MOCS2: variants seen among roughly 807,000 people sequenced by gnomAD.
The protein encoded by MOCS2 is molybdopterin synthase catalytic subunit.
MOCS2 carries 13 observed loss-of-function variants against 21.9 expected under a neutral mutation model. The ratio of observed to expected loss-of-function variants is 0.59; its 90% CI spans 0.39 to 0.94. The LOEUF is 0.94. Ranked by LOEUF, MOCS2 falls within the 40% of genes least tolerant of loss-of-function variation. The probability of loss-of-function intolerance (pLI) is 0.00; values close to 1 mark genes in which losing one functional copy is unlikely to be tolerated. For missense variants in MOCS2, 227 were observed against 218.3 expected (o/e 1.04, Z -0.25); for synonymous variants, 92 against 80.8 (o/e 1.14, Z -0.74).
chr5:53,109,117 A>T (rs1741132905), intron 1 of MOCS2, 134 bp downstream of exon 1: 1 of 212,260 alleles, frequency 4.7e-6, no homozygotes, highest in Non-Finnish European at 8.2e-6. Flanking sequence ...GCTAAGGATT[A>T]AGTTATGCAA....
intron 3 of MOCS2, 127 bp downstream of exon 3, chr5:53,106,950 C>G: frequency 1.0e-6 from 1 of 981,966 alleles, no homozygotes; most frequent in Non-Finnish European, 1.5e-6. Flanking sequence ...TGAAGAGTTG[C>G]TGCATCAATA....
chr5:53,103,081 G>A lies in MOCS2; in HGVS notation c.99-857C>T, dbSNP rs542808032. Reference sequence around the variant, plus strand: ...CGGGCTCACATTCCTCAGATAAAAAGTTTCTTTTCTTTTTTTCCCCACCAT... The same window carrying A: ...CGGGCTCACATTCCTCAGATAAAAAATTTCTTTTCTTTTTTTCCCCACCAT... On this transcript the variant is annotated intron_variant, in intron 3 of 6. Coordinates refer to ENST00000396954, the MANE Select transcript of MOCS2 (RefSeq NM_004531.5). Among the ~76,000 whole-genome samples, 27 of 152,104 alleles carry A rather than the reference G, an allele frequency of 1.8e-4. 1 individual carries two copies. The South Asian group carries it at 2.1e-3, about 12-fold the overall frequency.
chr5:53,098,616 C>A lies in MOCS2; in HGVS notation c.553G>T (p.Ala185Ser). Residue 185 changes from alanine (A) to serine (S), a missense_variant, in exon 7 of 7, where the codon GCA (alanine) becomes TCA (serine). Transcript: ENST00000396954. Reference sequence around the variant, plus strand: ...AACATAAGTGATTAACTGTTGGATGCCCAAAAGCACTCTTTGTTTCCTTTC... The same window carrying A: ...AACATAAGTGATTAACTGTTGGATGACCAAAAGCACTCTTTGTTTCCTTTC... Reference protein sequence around the residue: ...TWKGNKECFWASNS With the variant: ...TWKGNKECFWSSNS The A allele has an allele frequency of 1.2e-6, 2 of 1,613,638 alleles. No individual in the cohort carries two copies. Among genetic ancestry groups the A allele is most frequent in the Non-Finnish European group, 1.7e-6 (2 of 1,179,702 alleles).
Position 53,100,489 on chromosome 5 carries a change from T to A in MOCS2, c.423A>T (p.Ser141=). ...CTTCAAGAGATGCAGCTCTGTGGGC[T>A]GAGGACACAGCAATGATTATGCTTG... ...SEASIIIAVS[S]AHRAASLEAV... The change falls in exon 6 of 7, where the codon TCA becomes TCT. Residue 141 remains serine (S), a synonymous_variant. Transcript: ENST00000396954. 1 of 1,613,778 alleles carries A rather than the reference T, an allele frequency of 6.2e-7. No homozygotes were observed. The highest frequency in any genetic ancestry group is 1.1e-5 in the South Asian group (1 of 91,080).
At chr5:53,100,142 C>G (rs1740867267) in intron 6 of MOCS2, among the ~76,000 whole-genome samples, 1 of 152,136 alleles carries the variant, frequency 6.6e-6, no homozygotes, top group Admixed American at 6.6e-5. Context: ...GAATTATAAT[C>G]CAAGGAAAAT....
intron 2 of MOCS2, 91 bp downstream of exon 2, chr5:53,108,431 G>A: frequency 7.7e-7 from 1 of 1,290,960 alleles, no homozygotes. Flanking sequence ...ATTAAGCACG[G>A]AAATCGAAAT....
chr5:53,101,624 A>G, intron 4 of MOCS2, 115 bp from the exon 5 acceptor site: 7 of 783,486 alleles, frequency 8.9e-6, no homozygotes, highest in Non-Finnish European at 1.4e-5. Context: ...ATAGTAAACA[A>G]GCAGCATACC....
Position 53,107,184 on chromosome 5 carries a change from G to T in MOCS2, c.-10C>A, listed in dbSNP as rs146074751. ...TCTCCAAGCTCGACATATTCTTGAC[G>T]AACAGCAAATATTATCTGATTTCTA... On this transcript the variant is annotated 5_prime_UTR_variant, in exon 3 of 7. Coordinates refer to ENST00000396954, the MANE Select transcript of MOCS2 (RefSeq NM_004531.5). 1 of 1,613,876 alleles carries T rather than the reference G, an allele frequency of 6.2e-7. No individual in the cohort carries two copies. The highest frequency in any genetic ancestry group is 1.7e-5 in the Admixed American group (1 of 59,986).
intron 1 of MOCS2, 141 bp from the exon 2 acceptor site, chr5:53,108,784 T>C (rs960453215): frequency 4.8e-6 from 4 of 836,730 alleles, no homozygotes; most frequent in Non-Finnish European, 5.3e-6. Flanking sequence ...CCGTAAAAAA[T>C]TTCAGTATAC....
rs762798731 is a variant in MOCS2, at chr5:53,097,706, T to C, written c.*896A>G. ...TGGTAATCACCTCACAATGTATATG[T>C]GTATCAAAAATCACATTGTATACTT... On this transcript the variant is annotated 3_prime_UTR_variant, in exon 7 of 7. Coordinates refer to ENST00000396954, the MANE Select transcript of MOCS2 (RefSeq NM_004531.5). The C allele has an allele frequency of 6.6e-6, 1 of 152,186 alleles. No individual in the cohort carries two copies. The highest frequency in any genetic ancestry group is 6.5e-5 in the Admixed American group (1 of 15,276). The allele number at this position is 152,186 out of a possible 1,614,324, so 9.4% of individuals were successfully genotyped here. A position where few individuals can be genotyped will look rare whatever the true frequency, so the allele number is the denominator to read the frequency against.
At chr5:53,104,343 T>C (rs187906561) in intron 3 of MOCS2, among the ~76,000 whole-genome samples, 15 of 152,220 alleles carry the variant, frequency 9.9e-5, no homozygotes, top group African/African-American at 3.4e-4. Context: ...AAAACCTAGC[T>C]GGCAGGTTTT....
chr5:53,104,644 T>G (rs1466308481), intron 3 of MOCS2, among the ~76,000 whole-genome samples: 1 of 152,180 alleles, frequency 6.6e-6, no homozygotes, highest in Non-Finnish European at 1.5e-5. Flanking sequence ...AGCCTAGTGT[T>G]GACATGAGAG....
At position 53,098,812 on chromosome 5, in the gene MOCS2, C is replaced by A. The variant is rs1740826910; in HGVS notation, c.502-145G>T. 4 of 694,472 alleles carry A rather than the reference C, an allele frequency of 5.8e-6. No homozygotes were observed. The East Asian group carries it at 1.1e-4, about 19-fold the overall frequency. 43.0% of individuals were successfully genotyped at this position (694,472 alleles called of 1,614,324 possible). On this transcript the variant is annotated intron_variant, in intron 6 of 6. Transcript: ENST00000396954. ...CAATCATGACGAGAGACATCATGGG[C>A]AAGGTTACATAGGGGAAGACAGAAA...
Position 53,097,318 on chromosome 5 carries a change from G to C in MOCS2, c.*1284C>G, listed in dbSNP as rs200541821. ...TTCCTCAAGGTATTTTAGGTTGGCAGAAAAAGATCACTGGGTGGGTGCCTG... is the reference window on the plus strand; with the variant it reads ...TTCCTCAAGGTATTTTAGGTTGGCACAAAAAGATCACTGGGTGGGTGCCTG... On this transcript the variant is annotated 3_prime_UTR_variant, in exon 7 of 7. Transcript: ENST00000396954. 3.9e-5 allele frequency: 6 copies of C among 152,206 alleles called. No individual in the cohort carries two copies. The East Asian group carries it at 1.2e-3, about 29-fold the overall frequency. The allele number at this position is 152,206 out of a possible 1,614,324, so 9.4% of individuals were successfully genotyped here. A position where few individuals can be genotyped will look rare whatever the true frequency, so the allele number is the denominator to read the frequency against.
chr5:53,098,085 G>A lies in MOCS2; in HGVS notation c.*517C>T, dbSNP rs1478495055. The A allele has an allele frequency of 6.6e-6, 1 of 152,190 alleles. No homozygotes were observed. The highest frequency in any genetic ancestry group is 6.5e-5 in the Admixed American group (1 of 15,288). The allele number at this position is 152,190 out of a possible 1,614,324, so 9.4% of individuals were successfully genotyped here. A position where few individuals can be genotyped will look rare whatever the true frequency, so the allele number is the denominator to read the frequency against. ...TCTTTTTAAACTTTTGAAATCATGG[G>A]TTTTAGTTTATTATTTTTAATATAT... On this transcript the variant is annotated 3_prime_UTR_variant, in exon 7 of 7. Coordinates refer to ENST00000396954, the MANE Select transcript of MOCS2 (RefSeq NM_004531.5).
chr5:53,098,609 T>C lies in MOCS2; in HGVS notation c.560A>G (p.Asn187Ser), dbSNP rs2233221. The C allele has an allele frequency of 5.9e-4, 945 of 1,613,458 alleles. 6 individuals carry two copies. In the African/African-American group the frequency reaches 0.01, roughly 18 times the overall value. ...CTCTAAAAACATAAGTGATTAACTG[T>C]TGGATGCCCAAAAGCACTCTTTGTT... is the stretch of plus-strand genomic sequence containing the variant. ...KGNKECFWAS[N>S]S Residue 187 changes from asparagine (N) to serine (S), a missense_variant, in exon 7 of 7, where the codon AAC (asparagine) becomes AGC (serine). Coordinates refer to ENST00000396954, the MANE Select transcript of MOCS2 (RefSeq NM_004531.5).
chr5:53,109,655 G>C lies in MOCS2; in HGVS notation c.-574C>G. 6.5e-7 allele frequency: 1 copy of C among 1,548,940 alleles called. No homozygotes were observed. Among genetic ancestry groups the C allele is most frequent in the Non-Finnish European group, 8.7e-7 (1 of 1,146,292 alleles). Reference sequence around the variant, plus strand: ...GGGTATGTGGAGGGAAAGGGCGGGAGAGACACGTCGAGGAGGGCTCCGCAC... The same window carrying C: ...GGGTATGTGGAGGGAAAGGGCGGGACAGACACGTCGAGGAGGGCTCCGCAC... On this transcript the variant is annotated 5_prime_UTR_variant, in exon 1 of 7. Transcript: ENST00000396954.
chr5:53,109,290 A>T lies in MOCS2; in HGVS notation c.-209T>A. 9.9e-7 allele frequency: 1 copy of T among 1,013,480 alleles called. No homozygotes were observed. Among genetic ancestry groups the T allele is most frequent in the Non-Finnish European group, 1.2e-6 (1 of 848,962 alleles). 62.8% of individuals were successfully genotyped at this position (1,013,480 alleles called of 1,614,324 possible). ...AAACAACTCTTTACGAAATAATTAC[A>T]GGTTTGCAAATGATCAAGGGTGTAG... is the stretch of plus-strand genomic sequence containing the variant. On this transcript the variant is annotated 5_prime_UTR_variant, in exon 1 of 7. Transcript: ENST00000396954.
Position 53,098,651 on chromosome 5 carries a change from G to A in MOCS2, c.518C>T (p.Ser173Leu). Residue 173 changes from serine to leucine, a missense_variant, in exon 7 of 7, where the codon TCA (serine) becomes TTA (leucine). Coordinates refer to ENST00000396954, the MANE Select transcript of MOCS2 (RefSeq NM_004531.5). The stretch of plus-strand genomic sequence containing the variant: ...CTCTTTGTTTCCTTTCCAAGTTGAT[G>A]ACTCTTCGTATATTTCCTAAAAAAC... ...PIWKKEIYEE[S>L]STWKGNKECF... 1 of 1,613,474 alleles carries A rather than the reference G, an allele frequency of 6.2e-7. No homozygotes were observed. Among genetic ancestry groups the A allele is most frequent in the Non-Finnish European group, 8.5e-7 (1 of 1,179,550 alleles).
Sources: gnomAD v4.1 joint callset for allele counts (sites outside exome capture counted in the v4.1 genomes callset) on GRCh38, gnomAD v4.1.1 for gene constraint, MANE v1.5 for transcripts, NCBI Gene and HGNC (gene_info 2026-07-23, HGNC 2026-07-21) for gene names.